GPHN: variants seen among roughly 807,000 people sequenced by gnomAD.
GPHN encodes gephyrin.
A neutral mutation model predicts 95.5 loss-of-function variants in GPHN; 17 were observed. The observed-to-expected ratio is 0.18, with a 90% CI of 0.12 to 0.27. The LOEUF is 0.27. Among genes scored for constraint, GPHN ranks in the 10% least tolerant of loss-of-function variants. The probability of loss-of-function intolerance (pLI) is 1.00; values close to 1 mark genes in which losing one functional copy is unlikely to be tolerated. For missense variants in GPHN, 660 were observed against 978.1 expected (o/e 0.67, Z 4.34); for synonymous variants, 320 against 322.5 (o/e 0.99, Z 0.08).
At chr14:67,199,761 C>A in the GPHN span, 1 of 1,545,046 alleles carries the variant, frequency 6.5e-7, no homozygotes, top group Non-Finnish European at 8.8e-7. Flanking sequence ...GGGCTTCCTC[C>A]ACCAGGCATG....
chr14:67,533,714 T>G, the GPHN span: 2 of 152,178 alleles, frequency 1.3e-5, no homozygotes, highest in Admixed American at 1.3e-4. Flanking sequence ...CACCTTGCTA[T>G]CGGTGCTCGC....
chr14:67,351,031 G>A, the GPHN span, among the ~76,000 whole-genome samples: 2 of 152,052 alleles, frequency 1.3e-5, no homozygotes, highest in East Asian at 1.9e-4. Flanking sequence ...AAACCCTAAT[G>A]GTGTATTAAT....
chr14:67,212,196 G>C, the GPHN span, among the ~76,000 whole-genome samples: 1 of 152,084 alleles, frequency 6.6e-6, no homozygotes, highest in Admixed American at 6.6e-5. Flanking sequence ...GTACATAGAG[G>C]ACTTTGGACA....
intron 5 of GPHN, among the ~76,000 whole-genome samples, chr14:66,894,122 C>T (rs1343866992): frequency 6.6e-6 from 1 of 152,148 alleles, no homozygotes; most frequent in Non-Finnish European, 1.5e-5. Flanking sequence ...TACTACAAGG[C>T]TACAGTAACC....
chr14:67,555,910 G>A, the GPHN span: 42 of 1,611,172 alleles, frequency 2.6e-5, 2 homozygotes, highest in South Asian at 3.4e-4. Context: ...GGGGATCGGC[G>A]GGAATATGCA....
At chr14:67,691,146 GGTT>G in the GPHN span, 7 of 1,609,944 alleles carry the variant, frequency 4.3e-6, no homozygotes, top group Non-Finnish European at 6.0e-6. Flanking sequence ...TTACCCAAGT[GGTT>G]GACTCCTATG....
chr14:67,517,333 G>A, the GPHN span, among the ~76,000 whole-genome samples: 5 of 152,210 alleles, frequency 3.3e-5, no homozygotes, highest in Non-Finnish European at 1.5e-5. Context: ...ACAATGGGCT[G>A]GAAAGGCTTC....
At chr14:67,069,035 G>A (rs1267114958) in intron 11 of GPHN, among the ~76,000 whole-genome samples, 1 of 152,108 alleles carries the variant, frequency 6.6e-6, no homozygotes, top group Non-Finnish European at 1.5e-5. Context: ...GGTATACTTA[G>A]AAGTAGCTTT....
At chr14:66,771,466 C>T (rs1034699464) in intron 2 of GPHN, among the ~76,000 whole-genome samples, 1 of 152,124 alleles carries the variant, frequency 6.6e-6, no homozygotes, top group Non-Finnish European at 1.5e-5. Context: ...GACCAGTTAC[C>T]GCACTGGCAC....
the GPHN span, among the ~76,000 whole-genome samples, chr14:67,310,847 A>G: frequency 6.6e-6 from 1 of 152,120 alleles, no homozygotes; most frequent in Admixed American, 6.5e-5. Flanking sequence ...CTATCTATCT[A>G]TGTCTATCTT....
chr14:67,360,136 A>G, the GPHN span: 1 of 417,306 alleles, frequency 2.4e-6, no homozygotes, highest in African/African-American at 2.0e-5. Context: ...TTCAGAGGCA[A>G]GGAATCGGAG....
chr14:67,445,998 C>T, the GPHN span: 1 of 507,994 alleles, frequency 2.0e-6, no homozygotes, highest in Non-Finnish European at 3.9e-6. Context: ...AAAAATAGGG[C>T]TTCCCAGGAA....
chr14:67,442,801 G>A, the GPHN span, among the ~76,000 whole-genome samples: 1 of 152,256 alleles, frequency 6.6e-6, no homozygotes, highest in East Asian at 1.9e-4. Context: ...CCTGTGAAGG[G>A]TGTGGAAGGA....
chr14:66,616,079 T>C (rs1004958785), intron 1 of GPHN, among the ~76,000 whole-genome samples: 1 of 151,808 alleles, frequency 6.6e-6, no homozygotes, highest in Non-Finnish European at 1.5e-5. Context: ...TATATGCCTG[T>C]TTTGGTACCA....
At chr14:67,470,177 G>C in the GPHN span, 4 of 152,376 alleles carry the variant, frequency 2.6e-5, no homozygotes, top group African/African-American at 9.6e-5. Context: ...AGTTCAGGAG[G>C]GCATGATGCC....
chr14:67,541,923 T>G, the GPHN span: 3 of 1,606,164 alleles, frequency 1.9e-6, no homozygotes, highest in East Asian at 6.7e-5. Flanking sequence ...AAACGCTGCC[T>G]GACCCTGGAA....
At chr14:67,695,965 A>G in the GPHN span, among the ~76,000 whole-genome samples, 1 of 151,992 alleles carries the variant, frequency 6.6e-6, no homozygotes, top group Non-Finnish European at 1.5e-5. Context: ...GCTCTCAGTT[A>G]TTTTTTCTGC....
At chr14:67,686,705 A>G in the GPHN span, among the ~76,000 whole-genome samples, 2 of 150,594 alleles carry the variant, frequency 1.3e-5, no homozygotes, top group South Asian at 2.1e-4. Context: ...TGCACATGCT[A>G]TTTCAGGCCC....
chr14:67,465,964 C>T, the GPHN span, among the ~76,000 whole-genome samples: 1 of 152,162 alleles, frequency 6.6e-6, no homozygotes, highest in Non-Finnish European at 1.5e-5. Flanking sequence ...CTGGAAGAGG[C>T]AAGGCCAGAT....
Sources: gnomAD v4.1 joint callset for allele counts (sites outside exome capture counted in the v4.1 genomes callset) on GRCh38, gnomAD v4.1.1 for gene constraint, MANE v1.5 for transcripts, NCBI Gene and HGNC (gene_info 2026-07-23, HGNC 2026-07-21) for gene names.